The following TLN2 variants were observed in gnomAD, a reference collection of about 807,000 sequenced individuals.
TLN2 encodes the protein talin 2.
TLN2 carries 118 observed loss-of-function variants against 294.7 expected under a neutral mutation model. The ratio of observed to expected loss-of-function variants is 0.40; its 90% CI spans 0.34 to 0.47. The LOEUF is 0.47. TLN2 is among the 20% of genes least tolerant of loss of function. The pLI is 0.84. For missense variants in TLN2, 3,083 were observed against 3,282.2 expected (o/e 0.94, Z 1.48); for synonymous variants, 1,431 against 1,304.5 (o/e 1.10, Z -2.09).
Position 62,755,508 on chromosome 15 carries a change from C to T in TLN2, c.4477-24C>T, listed in dbSNP as rs752426904. On this transcript the variant is annotated intron_variant, in intron 36 of 58. Transcript: ENST00000636159. The stretch of plus-strand genomic sequence containing the variant: ...CTCTGCACTGTAGCATGGGGTACCC[C>T]CAACCTAGCTCCATGCTTTGTAGGT... The T allele has an allele frequency of 3.7e-6, 6 of 1,612,082 alleles. No individual in the cohort carries two copies. The East Asian group carries it at 8.9e-5, about 24-fold the overall frequency.
At chr15:62,517,563 C>T (rs1489873236) in intron 1 of TLN2, among the ~76,000 whole-genome samples, 1 of 152,094 alleles carries the variant, frequency 6.6e-6, no homozygotes, top group African/African-American at 2.4e-5. Flanking sequence ...TTATTCCACA[C>T]CCCCAATATT....
At chr15:62,629,869 C>T (rs1298061884) in intron 3 of TLN2, among the ~76,000 whole-genome samples, 1 of 152,176 alleles carries the variant, frequency 6.6e-6, no homozygotes, top group African/African-American at 2.4e-5. Context: ...AGTCCTAATA[C>T]ATTGAAGCTT....
intron 1 of TLN2, among the ~76,000 whole-genome samples, chr15:62,570,449 T>C (rs1219523912): frequency 6.6e-6 from 1 of 152,242 alleles, no homozygotes; most frequent in Admixed American, 6.5e-5. Context: ...CCACATCTGG[T>C]TAAGAAATAC....
At chr15:62,609,723 G>A (rs776936311) in intron 2 of TLN2, among the ~76,000 whole-genome samples, 2 of 152,152 alleles carry the variant, frequency 1.3e-5, no homozygotes, top group Non-Finnish European at 2.9e-5. Context: ...CTCACTTGAC[G>A]GAGGTTTGAC....
chr15:62,735,118 G>A (rs2140952888), intron 28 of TLN2, among the ~76,000 whole-genome samples: 1 of 152,336 alleles, frequency 6.6e-6, no homozygotes, highest in Non-Finnish European at 1.5e-5. Context: ...CTCAAAGTGA[G>A]GAAAGCTCAG....
chr15:62,397,673 T>G (rs2140230069), intron 1 of TLN2, among the ~76,000 whole-genome samples: 1 of 152,284 alleles, frequency 6.6e-6, no homozygotes, highest in South Asian at 2.1e-4. Flanking sequence ...AAACCATGCT[T>G]GAGATTACAT....
chr15:62,410,533 C>A (rs1402524378), intron 1 of TLN2, among the ~76,000 whole-genome samples: 1 of 152,166 alleles, frequency 6.6e-6, no homozygotes, highest in Middle Eastern at 3.2e-3. Flanking sequence ...AGTAAAGATT[C>A]CTTTTGTGAA....
rs199806066 is a variant in TLN2 at position 62,675,276 on chromosome 15, C to T, written c.912C>T (p.Leu304=). Residue 304 remains leucine, a synonymous_variant, in exon 11 of 59, where the codon CTC becomes CTT. Transcript: ENST00000636159. ...AAGCCAAGGTCAAGTACGTCAAACT[C>T]GCACGGTCCCTCCGCACATATGGCG... ...EIEAKVKYVK[L]ARSLRTYGVS... 2.9e-4 allele frequency: 461 copies of T among 1,614,226 alleles called. 1 individual carries two copies. The highest frequency in any genetic ancestry group is 3.2e-4 in the Non-Finnish European group (376 of 1,180,046).
rs764724725 is a variant in TLN2 at position 62,738,275 on chromosome 15, A to G, written c.3629A>G (p.Asp1210Gly). 3.1e-6 allele frequency: 5 copies of G among 1,614,188 alleles called. No homozygotes were observed. In the East Asian group the frequency reaches 6.7e-5, roughly 22 times the overall value. Residue 1210 changes from aspartate to glycine, a missense_variant, in exon 30 of 59, where the codon GAT becomes GGT. Asp to Gly is a moderately conservative substitution (Grantham distance 94). Transcript: ENST00000636159. The stretch of plus-strand genomic sequence containing the variant: ...GTAAATTGCCTCCCTGGGCAGAAGG[A>G]TGTGGACGTGGCCTTGAAGAGCATC... ...NCVNCLPGQK[D>G]VDVALKSIGE...
intron 1 of TLN2, among the ~76,000 whole-genome samples, chr15:62,579,696 T>C (rs772705093): frequency 3.9e-5 from 6 of 152,184 alleles, no homozygotes; most frequent in Non-Finnish European, 8.8e-5. Flanking sequence ...AGACCCGAGA[T>C]ACTTCATTAC....
intron 1 of TLN2, among the ~76,000 whole-genome samples, chr15:62,572,025 G>A (rs2043909587): frequency 6.6e-6 from 1 of 152,178 alleles, no homozygotes; most frequent in African/African-American, 2.4e-5. Flanking sequence ...ATATGGGAGG[G>A]TGCGGAGCCT....
At chr15:62,821,006 C>A (rs2067518241) in intron 54 of TLN2, among the ~76,000 whole-genome samples, 1 of 152,160 alleles carries the variant, frequency 6.6e-6, no homozygotes, top group African/African-American at 2.4e-5. Context: ...AATCAGAGGG[C>A]AATGAGAACT....
At chr15:62,808,776 G>T (rs2066470317) in intron 51 of TLN2, among the ~76,000 whole-genome samples, 1 of 152,248 alleles carries the variant, frequency 6.6e-6, no homozygotes, top group Admixed American at 6.5e-5. Context: ...GTGGCTGGGA[G>T]CATGGCTTTT....
At chr15:62,425,302 G>A (rs994795352) in intron 1 of TLN2, among the ~76,000 whole-genome samples, 9 of 150,982 alleles carry the variant, frequency 6.0e-5, no homozygotes, top group African/African-American at 2.2e-4. Context: ...CTGCTGCTAG[G>A]GGATGAGCAC....
chr15:62,424,183 T>C (rs2034572191), intron 1 of TLN2, among the ~76,000 whole-genome samples: 1 of 152,144 alleles, frequency 6.6e-6, no homozygotes, highest in South Asian at 2.1e-4. Context: ...ATTGCATATA[T>C]GAGGCACATA....
intron 50 of TLN2, 76 bp from the exon 51 acceptor site, chr15:62,805,524 G>T: frequency 1.4e-6 from 2 of 1,433,068 alleles, no homozygotes; most frequent in Non-Finnish European, 1.9e-6. Context: ...ACAAGCTACA[G>T]CCTGGTTGGA....
chr15:62,621,105 C>G (rs531208452), intron 3 of TLN2, among the ~76,000 whole-genome samples: 196 of 152,262 alleles, frequency 1.3e-3, no homozygotes, highest in Non-Finnish European at 2.4e-3. Flanking sequence ...TCCCAAAGTG[C>G]TGGGATTACA....
intron 1 of TLN2, among the ~76,000 whole-genome samples, chr15:62,443,757 T>C (rs1275298824): frequency 1.3e-5 from 2 of 152,164 alleles, no homozygotes; most frequent in East Asian, 1.9e-4. Flanking sequence ...ATCCCAGCAC[T>C]TTGGGAGGCA....
chr15:62,423,649 C>T (rs1052614758), intron 1 of TLN2, among the ~76,000 whole-genome samples: 2 of 151,772 alleles, frequency 1.3e-5, no homozygotes, highest in African/African-American at 2.4e-5. Context: ...GGCATGATCT[C>T]GGCTCACTGC....
Sources: gnomAD v4.1 joint callset for allele counts (sites outside exome capture counted in the v4.1 genomes callset) on GRCh38, gnomAD v4.1.1 for gene constraint, MANE v1.5 for transcripts, NCBI Gene and HGNC (gene_info 2026-07-23, HGNC 2026-07-21) for gene names.